Variants in SPATA9 observed in about 807,000 individuals in gnomAD.
SPATA9 encodes the protein spermatogenesis associated 9.
A neutral mutation model predicts 25.5 loss-of-function variants in SPATA9; 27 were observed. The observed-to-expected ratio is 1.06, with a 90% CI of 0.78 to 1.46. The LOEUF (loss-of-function observed/expected upper bound fraction) is 1.46, where lower values mean the gene tolerates loss of function less well. Ranked by LOEUF, SPATA9 falls within the 40% of genes most tolerant of loss-of-function variation. The pLI, the probability that SPATA9 is intolerant of heterozygous loss-of-function variation, is 0.00. For synonymous variants in SPATA9, 102 were observed against 105.7 expected (o/e 0.97, Z 0.21); for missense variants, 282 against 297.5 (o/e 0.95, Z 0.38).
chr5:95,674,355 T>C (rs1265700010), intron 3 of SPATA9, among the ~76,000 whole-genome samples: 1 of 152,176 alleles, frequency 6.6e-6, no homozygotes, highest in Non-Finnish European at 1.5e-5. Flanking sequence ...TCATGTGGTC[T>C]GGACAGAGCT....
the SPATA9 span, among the ~76,000 whole-genome samples, chr5:95,711,713 C>T: frequency 1.3e-5 from 2 of 152,142 alleles, no homozygotes; most frequent in African/African-American, 4.8e-5. Context: ...CAGGGGGAGC[C>T]GAACCGGCAG....
upstream of SPATA9, among the ~76,000 whole-genome samples, chr5:95,685,512 A>G (rs1276346965): frequency 6.6e-6 from 1 of 152,224 alleles, no homozygotes; most frequent in African/African-American, 2.4e-5. Context: ...AACCCAATAA[A>G]CAGATCAGTT....
chr5:95,671,761 T>G (rs1328042462), intron 3 of SPATA9, among the ~76,000 whole-genome samples: 2 of 152,078 alleles, frequency 1.3e-5, no homozygotes, highest in African/African-American at 4.8e-5. Flanking sequence ...TCCAATAAAT[T>G]TAATCATCTT....
At chr5:95,720,646 G>C in the SPATA9 span, among the ~76,000 whole-genome samples, 1 of 151,032 alleles carries the variant, frequency 6.6e-6, no homozygotes, top group Non-Finnish European at 1.5e-5. Context: ...TTTTTGGTCT[G>C]TTTTGTTTGT....
intron 1 of SPATA9, among the ~76,000 whole-genome samples, chr5:95,695,067 G>A (rs905782929): frequency 6.6e-6 from 1 of 152,148 alleles, no homozygotes; most frequent in Non-Finnish European, 1.5e-5. Flanking sequence ...ACAGTATGAA[G>A]TCTTTATACC....
At chr5:95,708,059 A>C in the SPATA9 span, among the ~76,000 whole-genome samples, 1 of 145,498 alleles carries the variant, frequency 6.9e-6, no homozygotes, top group East Asian at 2.4e-4. Flanking sequence ...TATGATGAGG[A>C]GAGGTCCAGC....
chr5:95,691,521 T>C (rs1318143939), intron 1 of SPATA9, among the ~76,000 whole-genome samples: 1 of 152,220 alleles, frequency 6.6e-6, no homozygotes, highest in Non-Finnish European at 1.5e-5. Flanking sequence ...TGTTTTACGT[T>C]CTGTTAAGGC....
At chr5:95,668,139 G>A (rs1304890712) in intron 3 of SPATA9, among the ~76,000 whole-genome samples, 1 of 152,146 alleles carries the variant, frequency 6.6e-6, no homozygotes, top group African/African-American at 2.4e-5. Flanking sequence ...GAATGGACTA[G>A]TACGGGTGTC....
In SPATA9 at chr5:95,658,650, T is replaced by C. The variant is rs777375923; in HGVS notation, c.738A>G (p.Gln246=). 61 of 1,613,200 alleles carry C rather than the reference T, an allele frequency of 3.8e-5. No homozygotes were observed. The highest frequency in any genetic ancestry group is 5.0e-5 in the Non-Finnish European group (59 of 1,179,700). ...AGATTTGCTCATTCATTTCAGCTGATTGGTCAAACACAGAATGTAAAACTT... is the reference window on the plus strand; with the variant it reads ...AGATTTGCTCATTCATTTCAGCTGACTGGTCAAACACAGAATGTAAAACTT... ...NIQVLHSVFD[Q]SAEMNEQI Residue 246 remains glutamine (Q), a synonymous_variant, in exon 5 of 5, where the codon CAA becomes CAG. Transcript: ENST00000274432.
chr5:95,708,588 C>G, the SPATA9 span: 2 of 696,336 alleles, frequency 2.9e-6, no homozygotes, highest in East Asian at 5.4e-5. Flanking sequence ...CAGGGTGATT[C>G]CCAGGACAGA....
Position 95,682,807 on chromosome 5 carries a change from G to T in SPATA9, c.48C>A (p.Asn16Lys). Residue 16 changes from asparagine (N) to lysine (K), a missense_variant, in exon 1 of 5, where the codon AAC becomes AAA. Coordinates refer to ENST00000274432, the MANE Select transcript of SPATA9 (RefSeq NM_031952.4). The part of the protein sequence containing the change: ...VGWICGQVLK[N>K]FSGRIEGIQK... ...GATTGTGTATACTTCTTCCAGAAAA[G>T]TTCTTCAACACCTGCCCACATATCC... 6.5e-7 allele frequency: 1 copy of T among 1,547,944 alleles called. No individual in the cohort carries two copies. Among genetic ancestry groups the T allele is most frequent in the Non-Finnish European group, 8.7e-7 (1 of 1,151,426 alleles).
upstream of SPATA9, chr5:95,684,594 G>C (rs1411063660): frequency 6.6e-6 from 1 of 152,210 alleles, no homozygotes; most frequent in African/African-American, 2.4e-5. Context: ...TCTTACTTAA[G>C]AGCCCTCTCC....
At chr5:95,676,166 C>G (rs1354932211) in intron 2 of SPATA9, among the ~76,000 whole-genome samples, 2 of 151,974 alleles carry the variant, frequency 1.3e-5, no homozygotes, top group Admixed American at 6.6e-5. Context: ...GGATAAATAT[C>G]AAGAATTGAA....
chr5:95,675,762 A>G, intron 2 of SPATA9, 123 bp from the exon 3 acceptor site: 3 of 681,578 alleles, frequency 4.4e-6, no homozygotes, highest in Non-Finnish European at 2.4e-6. Flanking sequence ...TATATTCAAC[A>G]TCCAATATTT....
chr5:95,655,965 G>A (rs1750730209), downstream of SPATA9: 3 of 1,338,792 alleles, frequency 2.2e-6, no homozygotes, highest in East Asian at 2.3e-5. Flanking sequence ...TTTTAACCTG[G>A]TTCTTCTGCA....
chr5:95,675,452 C>G lies in SPATA9; in HGVS notation c.338G>C (p.Arg113Thr), dbSNP rs751433579. The change falls in exon 3 of 5, where the codon AGG (arginine) becomes ACG (threonine). Residue 113 changes from arginine to threonine, a missense_variant. Coordinates refer to ENST00000274432, the MANE Select transcript of SPATA9 (RefSeq NM_031952.4). ...GGGTTGCCTCGGCGCATTAACTTCC[C>G]TCAGCAGACGACCAGATATGTCCCT... is the stretch of plus-strand genomic sequence containing the variant. ...ELRDISGRLL[R>T]EVNAPRQPLY... 6.2e-7 allele frequency: 1 copy of G among 1,614,176 alleles called. No individual in the cohort carries two copies. Among genetic ancestry groups the G allele is most frequent in the Non-Finnish European group, 8.5e-7 (1 of 1,180,036 alleles).
chr5:95,682,542 A>G lies in SPATA9; in HGVS notation c.136T>C (p.Ser46Pro). ...KDEFPTILRL[S>P]QSNQKREPAQ... ...AATCACATTACCTGATTAGACTGTG[A>G]TAATCTTAGGATGGTGGGAAATTCA... Residue 46 changes from serine to proline, a missense_variant, in exon 2 of 5, where the codon TCA (serine) becomes CCA (proline). Ser to Pro is a moderately conservative substitution (Grantham distance 74). Transcript: ENST00000274432. 6.2e-7 allele frequency: 1 copy of G among 1,609,944 alleles called. No homozygotes were observed. The highest frequency in any genetic ancestry group is 8.5e-7 in the Non-Finnish European group (1 of 1,176,878).
At chr5:95,676,079 C>T (rs922808452) in intron 2 of SPATA9, among the ~76,000 whole-genome samples, 10 of 152,070 alleles carry the variant, frequency 6.6e-5, no homozygotes, top group Non-Finnish European at 1.3e-4. Flanking sequence ...GCCTCAGCCT[C>T]CCAAAGTACT....
At chr5:95,694,462 A>G (rs1753964297) in intron 1 of SPATA9, among the ~76,000 whole-genome samples, 1 of 152,240 alleles carries the variant, frequency 6.6e-6, no homozygotes, top group Non-Finnish European at 1.5e-5. Flanking sequence ...TAACTATAAA[A>G]AAGAAAAGTA....
Sources: allele counts gnomAD v4.1 joint callset (sites outside exome capture counted in the v4.1 genomes callset), GRCh38; gene constraint gnomAD v4.1.1; transcripts MANE v1.5; gene names NCBI Gene and HGNC (gene_info 2026-07-23, HGNC 2026-07-21).